Variants in RAP1GDS1 observed in about 807,000 individuals in gnomAD.
RAP1GDS1 encodes Rap1 GTPase-GDP dissociation stimulator 1.
In RAP1GDS1, 35 loss-of-function variants were observed where a neutral mutation model predicts 71.1. The observed-to-expected ratio is 0.49, with a 90% CI of 0.38 to 0.65. The LOEUF is 0.65. RAP1GDS1 is among the 30% of genes least tolerant of loss of function. RAP1GDS1 has a pLI of 0.00. For synonymous variants in RAP1GDS1, 229 were observed against 243.1 expected (o/e 0.94, Z 0.54); for missense variants, 663 against 706.1 (o/e 0.94, Z 0.69).
chr4:98,285,088 A>T (rs998209662), intron 1 of RAP1GDS1, among the ~76,000 whole-genome samples: 12 of 152,172 alleles, frequency 7.9e-5, no homozygotes, highest in African/African-American at 2.9e-4. Context: ...GTTTTATGCC[A>T]GTAAATTTGG....
At chr4:98,360,287 C>A (rs1055430294) in intron 4 of RAP1GDS1, among the ~76,000 whole-genome samples, 12 of 152,170 alleles carry the variant, frequency 7.9e-5, no homozygotes, top group South Asian at 2.1e-4. Context: ...GAGTATTGCA[C>A]GTGGCAAAAA....
chr4:98,351,237 T>C (rs1303190746), intron 3 of RAP1GDS1, among the ~76,000 whole-genome samples: 1 of 152,076 alleles, frequency 6.6e-6, no homozygotes, highest in Non-Finnish European at 1.5e-5. Flanking sequence ...ATAATCTGAG[T>C]CTTAGAAGTT....
At chr4:98,374,390 A>T (rs972365912) in intron 4 of RAP1GDS1, among the ~76,000 whole-genome samples, 2 of 151,952 alleles carry the variant, frequency 1.3e-5, no homozygotes, top group Non-Finnish European at 2.9e-5. Context: ...ACATCTATTC[A>T]TGGATATTAT....
intron 2 of RAP1GDS1, among the ~76,000 whole-genome samples, chr4:98,331,356 G>A (rs1733988400): frequency 6.9e-6 from 1 of 145,084 alleles, no homozygotes; most frequent in Admixed American, 6.8e-5. Flanking sequence ...GAGGGAGAGG[G>A]AGAGAGAGAG....
chr4:98,422,883 A>G (rs1480697046), intron 12 of RAP1GDS1, among the ~76,000 whole-genome samples: 4 of 152,194 alleles, frequency 2.6e-5, no homozygotes, highest in African/African-American at 9.6e-5. Context: ...TTCCTGACAC[A>G]GGACCAAGCA....
intron 11 of RAP1GDS1, among the ~76,000 whole-genome samples, chr4:98,420,763 G>A (rs1399766935): frequency 6.6e-6 from 1 of 152,126 alleles, no homozygotes; most frequent in African/African-American, 2.4e-5. Context: ...AGGGGGTGTT[G>A]TGTTTTGGCA....
intron 2 of RAP1GDS1, among the ~76,000 whole-genome samples, chr4:98,333,416 T>C (rs72896335): frequency 0.012 from 1,898 of 152,162 alleles, 42 homozygotes; most frequent in African/African-American, 0.044. Flanking sequence ...CATTTTGTAA[T>C]TTCAGAAAAT....
At chr4:98,366,472 TG>T (rs1366878651) in intron 4 of RAP1GDS1, among the ~76,000 whole-genome samples, 2 of 151,614 alleles carry the variant, frequency 1.3e-5, no homozygotes, top group African/African-American at 4.9e-5. Flanking sequence ...GTACCAGGAG[TG>T]GGGCACTGCT....
intron 1 of RAP1GDS1, among the ~76,000 whole-genome samples, chr4:98,276,762 G>T (rs1724264981): frequency 6.6e-6 from 1 of 152,142 alleles, no homozygotes; most frequent in African/African-American, 2.4e-5. Flanking sequence ...GGGATTCCCT[G>T]TGCAACCTCA....
chr4:98,361,213 A>G (rs1738696318), intron 4 of RAP1GDS1, among the ~76,000 whole-genome samples: 1 of 151,734 alleles, frequency 6.6e-6, no homozygotes. Flanking sequence ...TCACACACAC[A>G]CATATATATA....
Position 98,421,255 on chromosome 4 carries a change from C to G in RAP1GDS1, c.1301C>G (p.Ala434Gly). 6.2e-7 allele frequency: 1 copy of G among 1,602,798 alleles called. No homozygotes were observed. The highest frequency in any genetic ancestry group is 8.5e-7 in the Non-Finnish European group (1 of 1,173,960). The part of the protein sequence containing the change: ...GTLRMLIDAQ[A>G]EAAEQLGKNV... ...CCTTGGTTTGCCTTCTTTCCTATAG[C>G]AGAAGCTGCTGAACAATTGGGAAAG... The change falls in exon 12 of 15, where the codon GCA becomes GGA. Residue 434 changes from alanine (A) to glycine (G), a missense_variant and splice_region_variant. Ala to Gly is a moderately conservative substitution (Grantham distance 60, BLOSUM62 0). Transcript: ENST00000408927.
At chr4:98,283,451 A>C (rs1375980706) in intron 1 of RAP1GDS1, among the ~76,000 whole-genome samples, 2 of 152,156 alleles carry the variant, frequency 1.3e-5, no homozygotes, top group Admixed American at 1.3e-4. Flanking sequence ...CTACCATATT[A>C]GGCATTATAA....
intron 2 of RAP1GDS1, among the ~76,000 whole-genome samples, chr4:98,331,477 G>A (rs1233544630): frequency 6.6e-6 from 1 of 152,042 alleles, no homozygotes. Flanking sequence ...AAATCCAATG[G>A]AAGTTTATTA....
chr4:98,356,490 C>T (rs1737991322), intron 4 of RAP1GDS1, among the ~76,000 whole-genome samples: 1 of 151,846 alleles, frequency 6.6e-6, no homozygotes, highest in Non-Finnish European at 1.5e-5. Flanking sequence ...ATATTACTGC[C>T]TGAGGTCAGA....
chr4:98,352,392 G>A (rs1737343506), intron 3 of RAP1GDS1, 84 bp from the exon 4 acceptor site: 1 of 1,421,192 alleles, frequency 7.0e-7, no homozygotes, highest in Non-Finnish European at 9.7e-7. Flanking sequence ...CATATTAAAA[G>A]TAGGTATTTA....
At chr4:98,289,978 T>C (rs1354070349) in intron 1 of RAP1GDS1, among the ~76,000 whole-genome samples, 1 of 151,998 alleles carries the variant, frequency 6.6e-6, no homozygotes, top group Non-Finnish European at 1.5e-5. Flanking sequence ...TATGTGAAAA[T>C]AATAGATACA....
intron 7 of RAP1GDS1, among the ~76,000 whole-genome samples, chr4:98,411,852 T>G (rs1424863735): frequency 1.3e-5 from 2 of 152,192 alleles, no homozygotes; most frequent in East Asian, 3.9e-4. Flanking sequence ...TTAGTATTTT[T>G]AAGGCTTTTT....
chr4:98,397,688 A>G (rs1744747572), intron 6 of RAP1GDS1, among the ~76,000 whole-genome samples: 1 of 152,148 alleles, frequency 6.6e-6, no homozygotes, highest in Admixed American at 6.6e-5. Flanking sequence ...ATTTGATGGC[A>G]TCAAGATTTC....
At chr4:98,420,753 A>G (rs1748731652) in intron 11 of RAP1GDS1, among the ~76,000 whole-genome samples, 1 of 152,142 alleles carries the variant, frequency 6.6e-6, no homozygotes, top group Non-Finnish European at 1.5e-5. Flanking sequence ...CAGTTTCGGC[A>G]GGGGGTGTTG....
Sources: gnomAD v4.1 joint callset for allele counts (sites outside exome capture counted in the v4.1 genomes callset) on GRCh38, gnomAD v4.1.1 for gene constraint, MANE v1.5 for transcripts, NCBI Gene and HGNC (gene_info 2026-07-23, HGNC 2026-07-21) for gene names.